LRRC36: variants seen among roughly 807,000 people sequenced by gnomAD.
LRRC36 encodes leucine-rich repeat-containing protein 36.
In LRRC36, 62 loss-of-function variants were observed where a neutral mutation model predicts 81.1. That is an observed-to-expected ratio of 0.76 (90% CI 0.62 to 0.94). LRRC36 has a LOEUF of 0.94. Ranked by LOEUF, LRRC36 falls within the 40% of genes least tolerant of loss-of-function variation. The probability of loss-of-function intolerance (pLI) is 0.00; values close to 1 mark genes in which losing one functional copy is unlikely to be tolerated. For missense variants in LRRC36, 761 were observed against 881.7 expected, an observed-to-expected ratio of 0.86 and a Z score of 1.73; for synonymous variants, 334 against 348.6, an observed-to-expected ratio of 0.96 and a Z score of 0.47.
intron 5 of LRRC36, among the ~76,000 whole-genome samples, chr16:67,358,166 G>GTT (rs35944413): frequency 0.15 from 20,655 of 137,232 alleles, 3,365 homozygotes; most frequent in African/African-American, 0.41. Context: ...CAAGGCATCA[G>GTT]TTTTTTTTTT....
chr16:67,347,419 A>G (rs748404564), intron 3 of LRRC36, 76 bp from the exon 4 acceptor site: 7 of 1,592,982 alleles, frequency 4.4e-6, no homozygotes, highest in South Asian at 1.1e-5. Flanking sequence ...CTCTGCGAAT[A>G]TGGTTTTCTG....
At chr16:67,371,708 T>C in intron 9 of LRRC36, 1 of 203,978 alleles carries the variant, frequency 4.9e-6, no homozygotes, top group Non-Finnish European at 1.0e-5. Context: ...CCATCTCTAC[T>C]GAAAATACAA....
chr16:67,356,162 A>T (rs1352040990), intron 5 of LRRC36, among the ~76,000 whole-genome samples: 1 of 152,214 alleles, frequency 6.6e-6, no homozygotes, highest in Non-Finnish European at 1.5e-5. Context: ...TGCTGAAAAT[A>T]TACTGATCTA....
At chr16:67,346,846 A>G (rs1278861948) in intron 3 of LRRC36, among the ~76,000 whole-genome samples, 1 of 152,010 alleles carries the variant, frequency 6.6e-6, no homozygotes, top group Non-Finnish European at 1.5e-5. Context: ...GAGCTGGTCT[A>G]TATTTTCTTA....
intron 1 of LRRC36, among the ~76,000 whole-genome samples, chr16:67,341,076 C>T (rs1331172558): frequency 2.2e-4 from 24 of 107,508 alleles, no homozygotes; most frequent in Non-Finnish European, 4.0e-4. Context: ...AGAATATGTA[C>T]TCTACATATT....
chr16:67,384,086 T>C (rs891177299), intron 13 of LRRC36, among the ~76,000 whole-genome samples: 2 of 152,244 alleles, frequency 1.3e-5, no homozygotes, highest in African/African-American at 4.8e-5. Flanking sequence ...CTATAATGAA[T>C]AGTATCGTGC....
At chr16:67,337,608 C>T (rs998068486) in intron 1 of LRRC36, among the ~76,000 whole-genome samples, 5 of 151,846 alleles carry the variant, frequency 3.3e-5, no homozygotes, top group African/African-American at 1.2e-4. Flanking sequence ...GATCTGCCCA[C>T]CTCGGCCTTC....
intron 5 of LRRC36, among the ~76,000 whole-genome samples, chr16:67,355,649 C>T (rs1013039262): frequency 2.0e-5 from 3 of 152,154 alleles, no homozygotes; most frequent in African/African-American, 7.2e-5. Context: ...GCTGGGATTA[C>T]AGGCGTGAGC....
chr16:67,367,510 G>A, intron 8 of LRRC36, 53 bp downstream of exon 8: 1 of 1,489,350 alleles, frequency 6.7e-7, no homozygotes, highest in South Asian at 1.3e-5. Context: ...GAAGATAGAA[G>A]ATATAAGTGA....
At chr16:67,371,303 G>C in intron 9 of LRRC36, 61 bp downstream of exon 9, 1 of 1,589,414 alleles carries the variant, frequency 6.3e-7, no homozygotes, top group Admixed American at 1.7e-5. Context: ...CCAGAATGAG[G>C]GTTCTGTTGG....
At chr16:67,354,724 A>G (rs137962104) in intron 5 of LRRC36, among the ~76,000 whole-genome samples, 7 of 152,278 alleles carry the variant, frequency 4.6e-5, no homozygotes, top group Non-Finnish European at 8.8e-5. Flanking sequence ...AGAGTGGTAC[A>G]TTTGTTACAA....
rs770677805 is a variant in LRRC36 at position 67,350,272 on chromosome 16, G to A, written c.559G>A (p.Asp187Asn). 2 of 1,612,080 alleles carry A rather than the reference G, an allele frequency of 1.2e-6. No homozygotes were observed. Among genetic ancestry groups the A allele is most frequent in the Admixed American group, 1.7e-5 (1 of 59,762 alleles). The change falls in exon 5 of 14, where the codon GAC (aspartate) becomes AAC (asparagine). Residue 187 changes from aspartate to asparagine, a missense_variant. Physicochemically the swap from Asp to Asn is conservative, Grantham distance 23. Transcript: ENST00000329956. ...SSASKVSANV[D>N]SRIEMDSNKG... The stretch of plus-strand genomic sequence containing the variant: ...TGCATCAAAAGTCAGTGCTAATGTT[G>A]ACAGCAGGATTGAAATGGGTAAGTT...
At chr16:67,358,598 A>C (rs1160023668) in intron 5 of LRRC36, among the ~76,000 whole-genome samples, 2 of 150,966 alleles carry the variant, frequency 1.3e-5, no homozygotes, top group Non-Finnish European at 2.9e-5. Context: ...AGCGACCCTC[A>C]CACCTTGGCC....
chr16:67,367,334 C>G lies in LRRC36; in HGVS notation c.1072C>G (p.Gln358Glu), dbSNP rs1396021130. 2 of 1,613,992 alleles carry G rather than the reference C, an allele frequency of 1.2e-6. No individual in the cohort carries two copies. Among genetic ancestry groups the G allele is most frequent in the Non-Finnish European group, 1.7e-6 (2 of 1,180,000 alleles). Reference sequence around the variant, plus strand: ...AAGGCCTCAGAGAAGCAAGAACTATCAAGAGTATAGCATAAAGCCTTCAAA... The same window carrying G: ...AAGGCCTCAGAGAAGCAAGAACTATGAAGAGTATAGCATAAAGCCTTCAAA... ...GKRPQRSKNY[Q>E]EYSIKPSNDI... The change falls in exon 8 of 14, where the codon CAA (glutamine) becomes GAA (glutamate). Residue 358 changes from glutamine to glutamate, a missense_variant. Physicochemically the swap from Gln to Glu is conservative, Grantham distance 29. Coordinates refer to ENST00000329956, the MANE Select transcript of LRRC36 (RefSeq NM_018296.6).
intron 1 of LRRC36, among the ~76,000 whole-genome samples, chr16:67,330,600 G>T (rs1390872130): frequency 1.3e-5 from 2 of 152,060 alleles, no homozygotes; most frequent in African/African-American, 4.8e-5. Context: ...GGTCGTTCAC[G>T]CCTGTAATCC....
intron 5 of LRRC36, among the ~76,000 whole-genome samples, chr16:67,352,516 C>CCT (rs776192974): frequency 6.6e-6 from 1 of 151,966 alleles, no homozygotes; most frequent in African/African-American, 2.4e-5. Context: ...TTGAAAGGTT[C>CCT]CTCTCTCTCT....
chr16:67,362,837 G>A (rs1177469131), intron 5 of LRRC36, among the ~76,000 whole-genome samples: 1 of 151,986 alleles, frequency 6.6e-6, no homozygotes, highest in Non-Finnish European at 1.5e-5. Context: ...GAGTGCAGTG[G>A]CACAGTCGTG....
chr16:67,355,237 T>G (rs2142055258), intron 5 of LRRC36, among the ~76,000 whole-genome samples: 1 of 152,322 alleles, frequency 6.6e-6, no homozygotes, highest in South Asian at 2.1e-4. Flanking sequence ...TGCAGGTTTT[T>G]GTGTGGGCAT....
intron 5 of LRRC36, among the ~76,000 whole-genome samples, chr16:67,362,488 A>C (rs1315793528): frequency 6.6e-6 from 1 of 152,100 alleles, no homozygotes; most frequent in Non-Finnish European, 1.5e-5. Flanking sequence ...TACAGAGCCT[A>C]AAGTACTACT....
Sources: gnomAD v4.1 joint callset for allele counts (sites outside exome capture counted in the v4.1 genomes callset) on GRCh38, gnomAD v4.1.1 for gene constraint, MANE v1.5 for transcripts, NCBI Gene and HGNC (gene_info 2026-07-23, HGNC 2026-07-21) for gene names.